Variants in RALGAPA2 observed in about 807,000 individuals in gnomAD.
The protein encoded by RALGAPA2 is ral GTPase-activating protein subunit alpha-2.
RALGAPA2 carries 139 observed loss-of-function variants against 230.4 expected under a neutral mutation model. The ratio of observed to expected loss-of-function variants is 0.60; its 90% CI spans 0.53 to 0.69. RALGAPA2 has a LOEUF of 0.69. Ranked by LOEUF, RALGAPA2 falls within the 30% of genes least tolerant of loss-of-function variation. The probability of loss-of-function intolerance (pLI) is 0.00; values close to 1 mark genes in which losing one functional copy is unlikely to be tolerated. For missense variants in RALGAPA2, 2,163 were observed against 2,276.0 expected (o/e 0.95, Z 1.01); for synonymous variants, 847 against 837.8 (o/e 1.01, Z -0.19).
chr20:20,589,237 G>T, intron 18 of RALGAPA2, 31 bp downstream of exon 18: 1 of 1,525,676 alleles, frequency 6.6e-7, no homozygotes, highest in Non-Finnish European at 8.8e-7. Context: ...TATTTTTAAT[G>T]ACAAACTGAA....
intron 36 of RALGAPA2, among the ~76,000 whole-genome samples, chr20:20,494,098 T>C (rs1893956900): frequency 6.6e-6 from 1 of 152,194 alleles, no homozygotes; most frequent in Non-Finnish European, 1.5e-5. Flanking sequence ...AACACTTAAG[T>C]AGCTTTTACT....
At chr20:20,637,598 T>TA in intron 7 of RALGAPA2, 97 bp from the exon 8 acceptor site, 2 of 1,102,778 alleles carry the variant, frequency 1.8e-6, no homozygotes, top group Non-Finnish European at 1.3e-6. Context: ...ATTCCTAACC[T>TA]AAATGTAAAA....
intron 1 of RALGAPA2, among the ~76,000 whole-genome samples, chr20:20,702,042 T>TAA (rs1265561467): frequency 1.5e-4 from 13 of 86,526 alleles, no homozygotes; most frequent in Admixed American, 3.6e-4. Context: ...TCCATCTCAA[T>TAA]AAAAAAAAAA....
At position 20,512,767 on chromosome 20, in the gene RALGAPA2, G is replaced by A. The variant is rs765390123; in HGVS notation, c.4602C>T (p.Cys1534=). 3.7e-6 allele frequency: 6 copies of A among 1,613,696 alleles called. No homozygotes were observed. Among genetic ancestry groups the A allele is most frequent in the Non-Finnish European group, 5.1e-6 (6 of 1,179,748 alleles). The change falls in exon 32 of 40, where the codon TGC becomes TGT. Residue 1534 remains cysteine, a synonymous_variant. Coordinates refer to ENST00000202677, the MANE Select transcript of RALGAPA2 (RefSeq NM_020343.4). ...LENIGHTSPE[C]LLPSQLNLNE... ...TTAGATTTAGCTGTGACGGTAAAAG[G>A]CATTCAGGACTTGTATGGCCAATGT...
chr20:20,645,047 T>C (rs1365153327), intron 4 of RALGAPA2, among the ~76,000 whole-genome samples: 2 of 151,454 alleles, frequency 1.3e-5, no homozygotes, highest in Non-Finnish European at 2.9e-5. Flanking sequence ...TGAGCATTGG[T>C]GCTTGTTAGT....
At chr20:20,666,639 G>A (rs891285113) in intron 3 of RALGAPA2, among the ~76,000 whole-genome samples, 5 of 152,176 alleles carry the variant, frequency 3.3e-5, no homozygotes, top group African/African-American at 7.2e-5. Context: ...AGAGAAAAGC[G>A]CAGAAACTGT....
Position 20,638,205 on chromosome 20 carries a change from G to A in RALGAPA2, c.667-704C>T, listed in dbSNP as rs562307965. On this transcript the variant is annotated intron_variant, in intron 7 of 39. Coordinates refer to ENST00000202677, the MANE Select transcript of RALGAPA2 (RefSeq NM_020343.4). The stretch of plus-strand genomic sequence containing the variant: ...AGGACAGCCTGGTTACACAAGTGCA[G>A]TCACCCCCAACATGACTTAGGGAAA... Among the ~76,000 whole-genome samples, 195 of 152,358 alleles carry A rather than the reference G, an allele frequency of 1.3e-3. 1 individual carries two copies. The highest frequency in any genetic ancestry group is 1.6e-3 in the Non-Finnish European group (112 of 68,036).
At chr20:20,664,791 C>T (rs2067904421) in intron 3 of RALGAPA2, among the ~76,000 whole-genome samples, 2 of 152,152 alleles carry the variant, frequency 1.3e-5, no homozygotes, top group Admixed American at 1.3e-4. Flanking sequence ...TCCCACCACC[C>T]CATAAATTCA....
rs1266555138 is a variant in RALGAPA2 at position 20,712,604 on chromosome 20, G to GCCC, written c.-125_-124insGGG. 9.2e-7 allele frequency: 1 copy of GCCC among 1,092,630 alleles called. No individual in the cohort carries two copies. Among genetic ancestry groups the GCCC allele is most frequent in the African/African-American group, 1.9e-5 (1 of 52,692 alleles). 67.7% of individuals were successfully genotyped at this position (1,092,630 alleles called of 1,614,324 possible). A position where few individuals can be genotyped will look rare whatever the true frequency, so the allele number is the denominator to read the frequency against. On this transcript the variant is annotated 5_prime_UTR_variant, in exon 1 of 40. Transcript: ENST00000202677. The surrounding 1 kb of genome is among the most constrained non-coding windows in gnomAD (Gnocchi z 5.5). ...ACTCGCCGCCCCCAGCCCCGCTGCTGCCGCCGCCGCCGCCGCCGCCGCCGC... is the reference window on the plus strand; with the variant it reads ...ACTCGCCGCCCCCAGCCCCGCTGCTGCCCCCGCCGCCGCCGCCGCCGCCGCCGC...
intron 18 of RALGAPA2, among the ~76,000 whole-genome samples, chr20:20,585,661 A>G (rs572058236): frequency 6.6e-6 from 1 of 152,330 alleles, no homozygotes; most frequent in East Asian, 1.9e-4. Flanking sequence ...ATGAAGTGGT[A>G]GAGGGAAGAC....
intron 36 of RALGAPA2, among the ~76,000 whole-genome samples, chr20:20,487,281 C>T (rs1339976633): frequency 6.6e-6 from 1 of 152,268 alleles, no homozygotes; most frequent in East Asian, 1.9e-4. Context: ...CTTTGAATGA[C>T]CTTGCTGTTA....
At position 20,605,321 on chromosome 20, in the gene RALGAPA2, G is replaced by C. The variant is rs371135603; in HGVS notation, c.1892C>G (p.Thr631Arg). The C allele has an allele frequency of 6.2e-7, 1 of 1,613,706 alleles. No individual in the cohort carries two copies. The highest frequency in any genetic ancestry group is 8.5e-7 in the Non-Finnish European group (1 of 1,179,790). The change falls in exon 15 of 40, where the codon ACG becomes AGG. Residue 631 changes from threonine to arginine, a missense_variant. Thr to Arg is a moderately conservative substitution (Grantham distance 71). Coordinates refer to ENST00000202677, the MANE Select transcript of RALGAPA2 (RefSeq NM_020343.4). ...DDFLGVLSSL[T>R]EWEELINEWA... ...CTCGTTTATAAGTTCCTCCCATTCC[G>C]TGAGGGAGGACAGCACACCAAGAAA...
At chr20:20,640,482 T>A (rs2066995179) in intron 6 of RALGAPA2, among the ~76,000 whole-genome samples, 1 of 152,324 alleles carries the variant, frequency 6.6e-6, no homozygotes, top group East Asian at 1.9e-4. Context: ...TATTCCTGCT[T>A]CCATCACTTC....
rs149279114 is a variant in RALGAPA2, at chr20:20,478,611, G to A, written c.5368-5655C>T. Among the ~76,000 whole-genome samples the A allele has an allele frequency of 8.9e-3, 1,344 of 151,844 alleles. 21 individuals are homozygous for A. Among genetic ancestry groups the A allele is most frequent in the African/African-American group, 0.031 (1,288 of 41,416 alleles). On this transcript the variant is annotated intron_variant, in intron 36 of 39. Transcript: ENST00000202677. ...AAATACCGCATGTTCTCACTTATAA[G>A]TGGGAGCTAAACATTGAGTACTCAT...
intron 37 of RALGAPA2, among the ~76,000 whole-genome samples, chr20:20,436,269 T>C (rs1164899005): frequency 6.6e-6 from 1 of 152,224 alleles, no homozygotes; most frequent in Non-Finnish European, 1.5e-5. Flanking sequence ...AAACCAGAGC[T>C]ACTGAAATCC....
chr20:20,418,737 A>ATTAC lies in RALGAPA2; in HGVS notation c.5496-6590_5496-6589insGTAA, dbSNP rs1556018201. Among the ~76,000 whole-genome samples, 6 of 150,134 alleles carry ATTAC rather than the reference A, an allele frequency of 4.0e-5. No homozygotes were observed. The East Asian group carries it at 9.9e-4, about 25-fold the overall frequency. Reference sequence around the variant, plus strand: ...ATTGAGTGCAATTCTATTGCTATACATTATTTATTTATTTATTTATAGACA... The same window carrying ATTAC: ...ATTGAGTGCAATTCTATTGCTATACATTACTTATTTATTTATTTATTTATAGACA... On this transcript the variant is annotated intron_variant, in intron 37 of 39. Coordinates refer to ENST00000202677, the MANE Select transcript of RALGAPA2 (RefSeq NM_020343.4).
chr20:20,419,923 C>T (rs1022292784), intron 37 of RALGAPA2, among the ~76,000 whole-genome samples: 1 of 152,186 alleles, frequency 6.6e-6, no homozygotes, highest in South Asian at 2.1e-4. Context: ...TCGCTCCTGC[C>T]ACCAGCAATC....
chr20:20,432,359 A>T (rs1389029852), intron 37 of RALGAPA2, among the ~76,000 whole-genome samples: 1 of 152,230 alleles, frequency 6.6e-6, no homozygotes, highest in Non-Finnish European at 1.5e-5. Flanking sequence ...TAAACAACTA[A>T]GGGCAGGGTG....
intron 9 of RALGAPA2, among the ~76,000 whole-genome samples, chr20:20,632,191 A>T (rs2146438315): frequency 6.6e-6 from 1 of 151,536 alleles, no homozygotes; most frequent in South Asian, 2.1e-4. Flanking sequence ...TGCCCAGCTA[A>T]TTTTTTTGTA....
Sources: gnomAD v4.1 joint callset for allele counts (sites outside exome capture counted in the v4.1 genomes callset) on GRCh38, gnomAD v4.1.1 for gene constraint, Gnocchi (gnomAD v3.1) non-coding constraint, MANE v1.5 for transcripts, NCBI Gene and HGNC (gene_info 2026-07-23, HGNC 2026-07-21) for gene names.